The following GUCY1A2 variants were observed in gnomAD, a reference collection of about 807,000 sequenced individuals.
GUCY1A2 encodes guanylate cyclase soluble subunit alpha-2.
GUCY1A2 carries 27 observed loss-of-function variants against 63.5 expected under a neutral mutation model. That is an observed-to-expected ratio of 0.43 (90% confidence interval 0.31 to 0.59). The LOEUF is 0.59. Among genes scored for constraint, GUCY1A2 ranks in the 20% least tolerant of loss-of-function variants. GUCY1A2 has a pLI of 0.11. For missense variants in GUCY1A2, 768 were observed against 913.3 expected (o/e 0.84, Z 2.05); for synonymous variants, 364 against 343.5 (o/e 1.06, Z -0.66).
intron 4 of GUCY1A2, among the ~76,000 whole-genome samples, chr11:106,862,769 C>A (rs1859531181): frequency 6.6e-6 from 1 of 151,478 alleles, no homozygotes; most frequent in African/African-American, 2.4e-5. Context: ...ATGGAAGTGG[C>A]TCTGTAAACG....
At chr11:106,953,578 T>C (rs1591341437) in intron 3 of GUCY1A2, among the ~76,000 whole-genome samples, 1 of 152,316 alleles carries the variant, frequency 6.6e-6, no homozygotes, top group African/African-American at 2.4e-5. Flanking sequence ...TTGTTTAGAA[T>C]AGTTTTAGAA....
At chr11:106,719,890 G>A (rs1204207225) in intron 6 of GUCY1A2, among the ~76,000 whole-genome samples, 3 of 152,170 alleles carry the variant, frequency 2.0e-5, no homozygotes, top group Non-Finnish European at 2.9e-5. Flanking sequence ...CAGGATCCAA[G>A]TAATTTATAT....
At position 106,938,497 on chromosome 11, in the gene GUCY1A2, A is replaced by G. The variant is rs1200846450; in HGVS notation, c.1206+963T>C. On this transcript the variant is annotated intron_variant, in intron 4 of 7. Transcript: ENST00000526355. ...TTCTAATAGCTAATAGCTTCCCTCA[A>G]ATGCTTGGAAACAGGCTAAATAGCC... Among the ~76,000 whole-genome samples the G allele has an allele frequency of 2.0e-5, 3 of 152,194 alleles. No homozygotes were observed. In the East Asian group the frequency reaches 5.8e-4, roughly 29 times the overall value.
chr11:106,831,696 C>G (rs1309886265), intron 4 of GUCY1A2, among the ~76,000 whole-genome samples: 1 of 152,212 alleles, frequency 6.6e-6, no homozygotes, highest in African/African-American at 2.4e-5. Context: ...TCCACAGTCT[C>G]TCTCGCAGCA....
intron 4 of GUCY1A2, among the ~76,000 whole-genome samples, chr11:106,837,001 CT>C (rs1343397224): frequency 6.6e-6 from 1 of 151,540 alleles, no homozygotes; most frequent in Non-Finnish European, 1.5e-5. Context: ...TTTTTTTAAA[CT>C]TTTATTTTTG....
At chr11:106,748,600 G>A (rs1435126426) in intron 6 of GUCY1A2, among the ~76,000 whole-genome samples, 5 of 152,078 alleles carry the variant, frequency 3.3e-5, no homozygotes, top group Non-Finnish European at 5.9e-5. Context: ...TAGAACCATG[G>A]TACACATTTA....
intron 6 of GUCY1A2, among the ~76,000 whole-genome samples, chr11:106,727,721 G>A (rs1288906072): frequency 2.6e-5 from 4 of 152,060 alleles, no homozygotes; most frequent in Non-Finnish European, 4.4e-5. Context: ...CACTAAAATC[G>A]CTTAGGAAGT....
rs1487446595 is a variant in GUCY1A2, at chr11:107,017,850, G to A, written c.206C>T (p.Ala69Val). The change falls in exon 1 of 8, where the codon GCC (alanine) becomes GTC (valine). Residue 69 changes from alanine (A) to valine (V), a missense_variant. By Grantham distance (64) the Ala-to-Val change is moderately conservative. Transcript: ENST00000526355. ...PAPTPAASAA[A>V]AAATAGARRV... ...CCTGGCCCCGGCAGTGGCAGCGGCG[G>A]CGGCGGCAGAAGCAGCCGGGGTCGG... The A allele has an allele frequency of 1.6e-6, 2 of 1,258,456 alleles. No individual in the cohort carries two copies. Among genetic ancestry groups the A allele is most frequent in the Non-Finnish European group, 2.0e-6 (2 of 1,001,966 alleles). The allele number at this position is 1,258,456 out of a possible 1,614,324, so 78.0% of individuals were successfully genotyped here. A position where few individuals can be genotyped will look rare whatever the true frequency, so the allele number is the denominator to read the frequency against.
chr11:106,763,500 A>C (rs1441805211), intron 6 of GUCY1A2, among the ~76,000 whole-genome samples: 1 of 152,142 alleles, frequency 6.6e-6, no homozygotes, highest in Non-Finnish European at 1.5e-5. Flanking sequence ...TAAGATGCCA[A>C]GTACTATTGA....
chr11:106,913,875 C>T (rs1294985210), intron 4 of GUCY1A2, among the ~76,000 whole-genome samples: 2 of 148,242 alleles, frequency 1.3e-5, no homozygotes, highest in African/African-American at 5.0e-5. Flanking sequence ...TTAGCCACAA[C>T]ATAGAAAAAG....
At chr11:106,984,646 T>C (rs1861378681) in intron 2 of GUCY1A2, among the ~76,000 whole-genome samples, 1 of 152,146 alleles carries the variant, frequency 6.6e-6, no homozygotes, top group Admixed American at 6.6e-5. Flanking sequence ...GATATTGTCA[T>C]AAAAATATTA....
chr11:106,809,955 TAAAA>T, intron 5 of GUCY1A2, 34 bp downstream of exon 5: 1 of 1,340,160 alleles, frequency 7.5e-7, no homozygotes, highest in Non-Finnish European at 1.0e-6. Flanking sequence ...AATTTACTAT[TAAAA>T]AACATTTATA....
intron 6 of GUCY1A2, among the ~76,000 whole-genome samples, chr11:106,736,575 T>A (rs1863593415): frequency 6.6e-6 from 1 of 152,186 alleles, no homozygotes; most frequent in African/African-American, 2.4e-5. Context: ...ATTTCTCCAG[T>A]CTTATTCTTT....
chr11:106,998,341 G>A (rs891083432), intron 1 of GUCY1A2, among the ~76,000 whole-genome samples: 1 of 152,150 alleles, frequency 6.6e-6, no homozygotes, highest in African/African-American at 2.4e-5. Flanking sequence ...GCTTACAGAG[G>A]AGAGGAAATG....
intron 4 of GUCY1A2, among the ~76,000 whole-genome samples, chr11:106,836,952 T>C (rs1859125268): frequency 1.3e-5 from 2 of 151,982 alleles, no homozygotes; most frequent in Non-Finnish European, 1.5e-5. Context: ...TTTGTATATA[T>C]TTTATAGTAG....
chr11:106,891,446 AAATTT>A (rs1288035116), intron 4 of GUCY1A2, among the ~76,000 whole-genome samples: 1 of 152,058 alleles, frequency 6.6e-6, no homozygotes, highest in African/African-American at 2.4e-5. Flanking sequence ...AATTTTGATG[AAATTT>A]AATTTCTAAT....
At chr11:106,980,181 G>A (rs1462868435) in intron 2 of GUCY1A2, among the ~76,000 whole-genome samples, 1 of 152,186 alleles carries the variant, frequency 6.6e-6, no homozygotes, top group Non-Finnish European at 1.5e-5. Context: ...CCGTTTGGCA[G>A]GGCAAATATG....
intron 6 of GUCY1A2, among the ~76,000 whole-genome samples, chr11:106,773,611 C>T (rs996380625): frequency 6.6e-6 from 1 of 152,126 alleles, no homozygotes; most frequent in Admixed American, 6.5e-5. Flanking sequence ...TAAATTGTAC[C>T]ATTTATACTT....
At chr11:106,793,997 A>G (rs1864709262) in intron 5 of GUCY1A2, among the ~76,000 whole-genome samples, 1 of 152,190 alleles carries the variant, frequency 6.6e-6, no homozygotes, top group African/African-American at 2.4e-5. Flanking sequence ...ACTTCTGGAT[A>G]CATATCCAAA....
Sources: gnomAD v4.1 joint callset for allele counts (sites outside exome capture counted in the v4.1 genomes callset) on GRCh38, gnomAD v4.1.1 for gene constraint, MANE v1.5 for transcripts, NCBI Gene and HGNC (gene_info 2026-07-23, HGNC 2026-07-21) for gene names.